The following SGCZ variants were observed in gnomAD, a reference collection of about 807,000 sequenced individuals.
SGCZ encodes the protein zeta-sarcoglycan.
Under a neutral mutation model 41.3 loss-of-function variants are expected in SGCZ, and 40 were observed. The observed-to-expected ratio is 0.97, with a 90% CI of 0.75 to 1.26. The LOEUF is 1.26. Among genes scored for constraint, SGCZ ranks in the 50% most tolerant of loss-of-function variants. The pLI is 0.00. For synonymous variants in SGCZ, 206 were observed against 137.5 expected, an observed-to-expected ratio of 1.50 and a Z score of -3.49; for missense variants, 552 against 369.8, an observed-to-expected ratio of 1.49 and a Z score of -4.04.
At chr8:14,184,322 G>A (rs1210048996) in intron 4 of SGCZ, among the ~76,000 whole-genome samples, 1 of 152,030 alleles carries the variant, frequency 6.6e-6, no homozygotes, top group African/African-American at 2.4e-5. Context: ...TACACTTATG[G>A]CCTGGACATA....
chr8:15,063,920 G>C (rs1164127057), intron 1 of SGCZ, among the ~76,000 whole-genome samples: 1 of 152,118 alleles, frequency 6.6e-6, no homozygotes, highest in Non-Finnish European at 1.5e-5. Context: ...CCTGAGTCAA[G>C]GTTTGTATTT....
At chr8:14,752,009 T>C (rs528111399) in intron 1 of SGCZ, among the ~76,000 whole-genome samples, 2 of 151,340 alleles carry the variant, frequency 1.3e-5, no homozygotes, top group South Asian at 4.2e-4. Context: ...ATTGTCAACA[T>C]TGTTGCTACA....
intron 1 of SGCZ, among the ~76,000 whole-genome samples, chr8:15,160,848 C>G (rs949548865): frequency 6.6e-6 from 1 of 152,320 alleles, no homozygotes; most frequent in Middle Eastern, 3.4e-3. Flanking sequence ...TCTGTCTATT[C>G]TCAACATAGC....
chr8:14,786,519 A>G (rs1248354302), intron 1 of SGCZ, among the ~76,000 whole-genome samples: 1 of 152,078 alleles, frequency 6.6e-6, no homozygotes, highest in Non-Finnish European at 1.5e-5. Context: ...ATATAGTGGA[A>G]TGTAGCACTT....
At chr8:14,732,978 CAT>C (rs1358837130) in intron 1 of SGCZ, among the ~76,000 whole-genome samples, 1 of 152,046 alleles carries the variant, frequency 6.6e-6, no homozygotes, top group Non-Finnish European at 1.5e-5. Context: ...TCATTTAAAA[CAT>C]GTATTAACCT....
At chr8:14,861,560 T>G (rs1021309634) in intron 1 of SGCZ, among the ~76,000 whole-genome samples, 30 of 152,158 alleles carry the variant, frequency 2.0e-4, no homozygotes, top group Admixed American at 1.5e-3. Flanking sequence ...TGTTAATAAT[T>G]AAAATACTAA....
At chr8:14,706,125 A>C (rs1206976172) in intron 1 of SGCZ, among the ~76,000 whole-genome samples, 1 of 152,018 alleles carries the variant, frequency 6.6e-6, no homozygotes, top group Non-Finnish European at 1.5e-5. Context: ...CCATGGTCTA[A>C]TAGCTTTTAG....
At chr8:14,411,978 A>G (rs13254879) in intron 2 of SGCZ, among the ~76,000 whole-genome samples, 48,211 of 151,946 alleles carry the variant, frequency 0.32, 7,775 homozygotes, top group Admixed American at 0.36. Context: ...TACTGAGTAA[A>G]AATACACTGC....
At chr8:14,286,046 G>C (rs1800613073) in intron 3 of SGCZ, among the ~76,000 whole-genome samples, 1 of 151,688 alleles carries the variant, frequency 6.6e-6, no homozygotes, top group African/African-American at 2.4e-5. Flanking sequence ...TAGCATTTGA[G>C]GCTTAGTTTT....
At chr8:14,333,310 A>C (rs929559984) in intron 2 of SGCZ, among the ~76,000 whole-genome samples, 11 of 152,142 alleles carry the variant, frequency 7.2e-5, no homozygotes, top group African/African-American at 2.7e-4. Flanking sequence ...AGACAACTGC[A>C]AAGAGCCTCA....
chr8:15,196,774 T>C (rs576031664), intron 1 of SGCZ, among the ~76,000 whole-genome samples: 8 of 152,198 alleles, frequency 5.3e-5, no homozygotes, highest in South Asian at 4.1e-4. Context: ...TAAAATTTCT[T>C]ATTTCTCATA....
intron 1 of SGCZ, among the ~76,000 whole-genome samples, chr8:14,723,499 G>A (rs1260513869): frequency 6.6e-6 from 1 of 152,102 alleles, no homozygotes; most frequent in Non-Finnish European, 1.5e-5. Flanking sequence ...TGGAGCTGGG[G>A]ACCTTTGTGC....
At chr8:15,076,778 T>G (rs1382131696) in intron 1 of SGCZ, among the ~76,000 whole-genome samples, 1 of 143,166 alleles carries the variant, frequency 7.0e-6, no homozygotes, top group Non-Finnish European at 1.5e-5. Context: ...TTTGCTTCCC[T>G]CCTTTCTCTG....
At chr8:14,932,330 T>C (rs1021926856) in intron 1 of SGCZ, among the ~76,000 whole-genome samples, 12 of 152,136 alleles carry the variant, frequency 7.9e-5, no homozygotes, top group African/African-American at 2.9e-4. Context: ...CAAACTCTAG[T>C]AACAGTTTTC....
intron 1 of SGCZ, among the ~76,000 whole-genome samples, chr8:14,954,252 G>C (rs1481262978): frequency 6.6e-6 from 1 of 152,004 alleles, no homozygotes; most frequent in Non-Finnish European, 1.5e-5. Context: ...AATACTACTA[G>C]GTATACATGG....
intron 1 of SGCZ, among the ~76,000 whole-genome samples, chr8:14,916,393 C>T (rs1445202599): frequency 6.6e-6 from 1 of 152,042 alleles, no homozygotes; most frequent in Non-Finnish European, 1.5e-5. Flanking sequence ...CACATATAGA[C>T]ATAGATAGCA....
chr8:14,999,622 T>C (rs1012678954), intron 1 of SGCZ, among the ~76,000 whole-genome samples: 1 of 151,958 alleles, frequency 6.6e-6, no homozygotes. Context: ...CTTCTCTCTA[T>C]GCAATGTGGT....
At chr8:14,354,058 T>C (rs1337517003) in intron 2 of SGCZ, among the ~76,000 whole-genome samples, 2 of 152,072 alleles carry the variant, frequency 1.3e-5, no homozygotes, top group African/African-American at 4.8e-5. Flanking sequence ...GTTATTAATG[T>C]AGACATCACT....
chr8:14,645,513 G>A (rs1202146222), intron 1 of SGCZ, among the ~76,000 whole-genome samples: 2 of 114,500 alleles, frequency 1.7e-5, no homozygotes, highest in African/African-American at 3.4e-5. Context: ...GCACATATAT[G>A]CAATAATTAT....
Sources: gnomAD v4.1 joint callset for allele counts (sites outside exome capture counted in the v4.1 genomes callset) on GRCh38, gnomAD v4.1.1 for gene constraint, MANE v1.5 for transcripts, NCBI Gene and HGNC (gene_info 2026-07-23, HGNC 2026-07-21) for gene names.